Variants in TMEM108 observed in about 807,000 individuals in gnomAD.
The protein encoded by TMEM108 is cancer/testis antigen 124.
Under a neutral mutation model 35.1 loss-of-function variants are expected in TMEM108, and 12 were observed. The ratio of observed to expected loss-of-function variants is 0.34; its 90% CI spans 0.22 to 0.55. The LOEUF (loss-of-function observed/expected upper bound fraction) is 0.55. Among genes scored for constraint, TMEM108 ranks in the 20% least tolerant of loss-of-function variants. The probability of loss-of-function intolerance (pLI) is 0.89; values close to 1 mark genes in which losing one functional copy is unlikely to be tolerated. For missense variants in TMEM108, 680 were observed against 753.3 expected, an observed-to-expected ratio of 0.90 and a Z score of 1.14; for synonymous variants, 287 against 308.6, an observed-to-expected ratio of 0.93 and a Z score of 0.73.
intron 2 of TMEM108, among the ~76,000 whole-genome samples, chr3:133,158,251 C>T (rs531349180): frequency 4.1e-4 from 62 of 151,950 alleles, no homozygotes; most frequent in Admixed American, 7.9e-4. Flanking sequence ...GGGCGGGTCA[C>T]GAGGTCAAGA....
chr3:133,116,085 G>T (rs1944284710), intron 2 of TMEM108, among the ~76,000 whole-genome samples: 1 of 152,210 alleles, frequency 6.6e-6, no homozygotes, highest in African/African-American at 2.4e-5. Flanking sequence ...CAAGTCTTTA[G>T]TAATGAGAGA....
chr3:133,381,274 C>A, intron 4 of TMEM108, 113 bp downstream of exon 4: 1 of 1,155,556 alleles, frequency 8.7e-7, no homozygotes, highest in Non-Finnish European at 1.2e-6. Flanking sequence ...CAAAAATTCC[C>A]AGAATCTCAG....
chr3:133,076,405 G>A (rs1054604133), intron 2 of TMEM108, among the ~76,000 whole-genome samples: 2 of 152,120 alleles, frequency 1.3e-5, no homozygotes, highest in African/African-American at 4.8e-5. Flanking sequence ...AGGTCTTTTG[G>A]AAGTTGAGAT....
chr3:133,078,081 T>G (rs1259364684), intron 2 of TMEM108, among the ~76,000 whole-genome samples: 1 of 151,382 alleles, frequency 6.6e-6, no homozygotes, highest in Non-Finnish European at 1.5e-5. Context: ...GATGGCAAAA[T>G]GGGGCAAGGC....
At chr3:133,100,632 G>C (rs1944075104) in intron 2 of TMEM108, among the ~76,000 whole-genome samples, 1 of 152,074 alleles carries the variant, frequency 6.6e-6, no homozygotes, top group Non-Finnish European at 1.5e-5. Context: ...TCAAAAGATG[G>C]TGAAGAGTTA....
chr3:133,175,844 G>A (rs1304952862), intron 2 of TMEM108, among the ~76,000 whole-genome samples: 2 of 152,168 alleles, frequency 1.3e-5, no homozygotes, highest in Admixed American at 1.3e-4. Flanking sequence ...ATGTAAATGG[G>A]CTAAATGCTT....
intron 2 of TMEM108, among the ~76,000 whole-genome samples, chr3:133,092,373 C>T (rs1355980573): frequency 6.6e-6 from 1 of 152,172 alleles, no homozygotes; most frequent in East Asian, 1.9e-4. Context: ...ACCTCTTTTA[C>T]CCAAGTCATA....
chr3:133,211,222 G>A (rs373470006), intron 2 of TMEM108, among the ~76,000 whole-genome samples: 3 of 152,020 alleles, frequency 2.0e-5, no homozygotes, highest in South Asian at 2.1e-4. Flanking sequence ...CATGTAAAAC[G>A]TTCTGGTAAG....
intron 3 of TMEM108, among the ~76,000 whole-genome samples, chr3:133,288,329 A>G (rs1338065373): frequency 6.6e-6 from 1 of 152,250 alleles, no homozygotes; most frequent in African/African-American, 2.4e-5. Context: ...GTTAAGATAG[A>G]TGGATGTGGC....
In TMEM108 at chr3:133,112,018, T is replaced by G. The variant is rs929030639; in HGVS notation, c.-47+65998T>G. Among the ~76,000 whole-genome samples the G allele has an allele frequency of 3.3e-5, 5 of 152,086 alleles. 1 individual carries two copies. Among genetic ancestry groups the G allele is most frequent in the African/African-American group, 4.8e-5 (2 of 41,428 alleles). On this transcript the variant is annotated intron_variant, in intron 2 of 5. Transcript: ENST00000321871. ...AGGGCTTTTAAAGTGTGTTCTGCAG[T>G]GAGAGTTTATATGCTTTATCCACAT...
intron 2 of TMEM108, among the ~76,000 whole-genome samples, chr3:133,079,601 G>A (rs1943785078): frequency 6.6e-6 from 1 of 152,140 alleles, no homozygotes; most frequent in African/African-American, 2.4e-5. Context: ...ATTCTTGAGA[G>A]TTCATGATCT....
chr3:133,229,971 T>C (rs1946128388), intron 3 of TMEM108, among the ~76,000 whole-genome samples: 1 of 152,228 alleles, frequency 6.6e-6, no homozygotes, highest in Non-Finnish European at 1.5e-5. Flanking sequence ...AATTGCCATG[T>C]AGTGATTGTA....
At chr3:133,050,364 A>T (rs1216142823) in intron 2 of TMEM108, among the ~76,000 whole-genome samples, 1 of 152,104 alleles carries the variant, frequency 6.6e-6, no homozygotes, top group Non-Finnish European at 1.5e-5. Context: ...AACAGTTTTA[A>T]GTTCAAGCAA....
At chr3:133,312,932 C>T (rs1461328768) in intron 3 of TMEM108, among the ~76,000 whole-genome samples, 1 of 152,126 alleles carries the variant, frequency 6.6e-6, no homozygotes, top group Non-Finnish European at 1.5e-5. Context: ...GTAGAATTAC[C>T]AACTTTACTA....
At chr3:133,186,590 A>G (rs1945424540) in intron 2 of TMEM108, among the ~76,000 whole-genome samples, 1 of 152,226 alleles carries the variant, frequency 6.6e-6, no homozygotes, top group South Asian at 2.1e-4. Context: ...TGTCAGTCTG[A>G]GAGCATATTG....
chr3:133,317,787 C>G (rs985733191), intron 3 of TMEM108, among the ~76,000 whole-genome samples: 2 of 152,062 alleles, frequency 1.3e-5, no homozygotes, highest in Non-Finnish European at 2.9e-5. Context: ...CAAACAAAAC[C>G]GAACAAATCC....
At chr3:133,178,297 G>A (rs891517371) in intron 2 of TMEM108, among the ~76,000 whole-genome samples, 5 of 152,122 alleles carry the variant, frequency 3.3e-5, no homozygotes, top group African/African-American at 1.2e-4. Flanking sequence ...TGTCTTCACA[G>A]AATTGGAAAA....
chr3:133,118,793 G>A (rs372818522), intron 2 of TMEM108, among the ~76,000 whole-genome samples: 1 of 152,178 alleles, frequency 6.6e-6, no homozygotes, highest in African/African-American at 2.4e-5. Context: ...CAGATGCCAG[G>A]GTGTTTCAGT....
At chr3:133,155,942 A>G (rs1250531240) in intron 2 of TMEM108, among the ~76,000 whole-genome samples, 1 of 152,088 alleles carries the variant, frequency 6.6e-6, no homozygotes, top group Non-Finnish European at 1.5e-5. Context: ...ATTATTTCCT[A>G]GGTAATCTTA....
Sources: gnomAD v4.1 joint callset for allele counts (sites outside exome capture counted in the v4.1 genomes callset) on GRCh38, gnomAD v4.1.1 for gene constraint, MANE v1.5 for transcripts, NCBI Gene and HGNC (gene_info 2026-07-23, HGNC 2026-07-21) for gene names.